The following SIAH2 variants were observed in gnomAD, a reference collection of about 807,000 sequenced individuals.
The protein encoded by SIAH2 is E3 ubiquitin-protein ligase SIAH2.
In SIAH2, 4 loss-of-function variants were observed where a neutral mutation model predicts 20.4. The observed-to-expected ratio is 0.20, with a 90% confidence interval of 0.10 to 0.45. The LOEUF is 0.45. Ranked by LOEUF, SIAH2 falls within the 20% of genes least tolerant of loss-of-function variation. The pLI, the probability that SIAH2 is intolerant of heterozygous loss-of-function variation, is 0.99. For missense variants in SIAH2, 259 were observed against 440.3 expected, an observed-to-expected ratio of 0.59 and a Z score of 3.69; for synonymous variants, 171 against 192.5, an observed-to-expected ratio of 0.89 and a Z score of 0.93.
chr3:150,748,687 T>C (rs150806689), intron 1 of SIAH2, among the ~76,000 whole-genome samples: 49 of 152,272 alleles, frequency 3.2e-4, no homozygotes, highest in African/African-American at 1.1e-3. Context: ...CAAACCACAA[T>C]CGATATTTTG....
At chr3:150,746,287 T>C (rs1175550560) in intron 1 of SIAH2, among the ~76,000 whole-genome samples, 1 of 152,006 alleles carries the variant, frequency 6.6e-6, no homozygotes, top group East Asian at 1.9e-4. Flanking sequence ...TCCCAGCTAC[T>C]AGGAAGGCTG....
chr3:150,744,627 C>A (rs1165454420), intron 1 of SIAH2, among the ~76,000 whole-genome samples: 4 of 152,070 alleles, frequency 2.6e-5, no homozygotes, highest in South Asian at 4.1e-4. Context: ...TTTAAAAAAA[C>A]ACACACACAC....
chr3:150,741,835 T>TAACA lies in SIAH2; in HGVS notation c.*302_*305dup. The TAACA allele has an allele frequency of 4.0e-6, 1 of 251,440 alleles. No homozygotes were observed. The highest frequency in any genetic ancestry group is 1.2e-3 in the Middle Eastern group (1 of 802). 15.6% of individuals were successfully genotyped at this position (251,440 alleles called of 1,614,324 possible). On this transcript the variant is annotated 3_prime_UTR_variant, in exon 2 of 2. Transcript: ENST00000312960. ...CAGGCAGGAAGGGGCCTCCCATTCC[T>TAACA]AACACACTGATCTATAGAAGCCCTG... is the stretch of plus-strand genomic sequence containing the variant.
At position 150,762,715 on chromosome 3, in the gene SIAH2, C is replaced by T; in HGVS notation, c.135G>A (p.Ser45=). 1 of 1,215,270 alleles carries T rather than the reference C, an allele frequency of 8.2e-7. No individual in the cohort carries two copies. The allele number at this position is 1,215,270 out of a possible 1,614,324, so 75.3% of individuals were successfully genotyped here. A position where few individuals can be genotyped will look rare whatever the true frequency, so the allele number is the denominator to read the frequency against. Residue 45 remains serine (S), a synonymous_variant, in exon 1 of 2, where the codon TCG becomes TCA. Transcript: ENST00000312960. This position sits in a 1 kb window ranked among gnomAD's most constrained non-coding sequence, Gnocchi z 6.6. ...CCGCCGCCGCGGCGGGCACCGCGGA[C>T]GAGCCGGGGCCCGCAGCCGAGATGG... ...AATISAAGPG[S]SAVPAAAAVI...
At chr3:150,754,602 C>T (rs1199061666) in intron 1 of SIAH2, among the ~76,000 whole-genome samples, 1 of 151,888 alleles carries the variant, frequency 6.6e-6, no homozygotes, top group Non-Finnish European at 1.5e-5. Flanking sequence ...AAAACTCCAC[C>T]GATGTAGAAA....
At chr3:150,745,145 A>T (rs937165776) in intron 1 of SIAH2, among the ~76,000 whole-genome samples, 8 of 151,892 alleles carry the variant, frequency 5.3e-5, no homozygotes, top group Admixed American at 2.6e-4. Context: ...CTTTCATGGC[A>T]ATCTATCCCT....
At chr3:150,756,635 CT>C (rs1367879005) in intron 1 of SIAH2, among the ~76,000 whole-genome samples, 1 of 152,202 alleles carries the variant, frequency 6.6e-6, no homozygotes, top group Non-Finnish European at 1.5e-5. Context: ...ACTATTTACT[CT>C]AGTTCCAGGT....
At chr3:150,754,239 T>A (rs761955208) in intron 1 of SIAH2, among the ~76,000 whole-genome samples, 8 of 152,222 alleles carry the variant, frequency 5.3e-5, no homozygotes, top group Non-Finnish European at 1.2e-4. Flanking sequence ...TTCTGCAAGC[T>A]GTACAGGAAG....
chr3:150,755,645 G>A (rs1490451216), intron 1 of SIAH2, among the ~76,000 whole-genome samples: 4 of 151,954 alleles, frequency 2.6e-5, no homozygotes, highest in Non-Finnish European at 4.4e-5. Context: ...AGCCTCCCAA[G>A]TAGCTGGGAT....
rs1284709379 is a variant in SIAH2, at chr3:150,742,767, G to T, written c.418-69C>A. 2 of 1,288,586 alleles carry T rather than the reference G, an allele frequency of 1.6e-6. No individual in the cohort carries two copies. The highest frequency in any genetic ancestry group is 2.1e-6 in the Non-Finnish European group (2 of 943,998). 79.8% of individuals were successfully genotyped at this position (1,288,586 alleles called of 1,614,324 possible). A position where few individuals can be genotyped will look rare whatever the true frequency, so the allele number is the denominator to read the frequency against. Reference sequence around the variant, plus strand: ...CTTCTATTGCTTCAACCCTCTATGAGTACTTAACTACTCCATTTTCCTGGG... The same window carrying T: ...CTTCTATTGCTTCAACCCTCTATGATTACTTAACTACTCCATTTTCCTGGG... On this transcript the variant is annotated intron_variant, in intron 1 of 1. Coordinates refer to ENST00000312960, the MANE Select transcript of SIAH2 (RefSeq NM_005067.7). The surrounding 1 kb of genome is among the most constrained non-coding windows in gnomAD (Gnocchi z 4.8).
At position 150,741,546 on chromosome 3, in the gene SIAH2, C is replaced by T. The variant is rs1390383194; in HGVS notation, c.*595G>A. On this transcript the variant is annotated 3_prime_UTR_variant, in exon 2 of 2. Transcript: ENST00000312960. ...TTAAAGCACCTTTAAAATCTGGACC[C>T]TTTCCCACAATTTAACCCAGTAATT... 1 of 152,372 alleles carries T rather than the reference C, an allele frequency of 6.6e-6. No homozygotes were observed. Among genetic ancestry groups the T allele is most frequent in the Non-Finnish European group, 1.5e-5 (1 of 68,106 alleles). The allele number at this position is 152,372 out of a possible 1,614,324, so 9.4% of individuals were successfully genotyped here. A position where few individuals can be genotyped will look rare whatever the true frequency, so the allele number is the denominator to read the frequency against.
rs1714080240 is a variant in SIAH2 at position 150,741,268 on chromosome 3, T to A, written c.*873A>T. On this transcript the variant is annotated 3_prime_UTR_variant, in exon 2 of 2. Transcript: ENST00000312960. ...TGATTTAGTCTTTCACACCAGCTACTGTTGAGGAGGGCTTCCGAGGGAAGC... is the reference window on the plus strand; with the variant it reads ...TGATTTAGTCTTTCACACCAGCTACAGTTGAGGAGGGCTTCCGAGGGAAGC... The A allele has an allele frequency of 6.6e-6, 1 of 152,628 alleles. No homozygotes were observed. The highest frequency in any genetic ancestry group is 2.4e-5 in the African/African-American group (1 of 41,452). 9.5% of individuals were successfully genotyped at this position (152,628 alleles called of 1,614,324 possible).
intron 1 of SIAH2, among the ~76,000 whole-genome samples, chr3:150,753,777 G>A (rs1423952932): frequency 6.6e-6 from 1 of 151,570 alleles, no homozygotes; most frequent in Non-Finnish European, 1.5e-5. Context: ...TTGGATGACA[G>A]AACTAGACCC....
In SIAH2 at chr3:150,759,404, T is replaced by C. The variant is rs545273823; in HGVS notation, c.417+3029A>G. Among the ~76,000 whole-genome samples the C allele has an allele frequency of 2.9e-4, 44 of 152,282 alleles. No individual in the cohort carries two copies. The South Asian group carries it at 8.3e-3, about 29-fold the overall frequency. Reference sequence around the variant, plus strand: ...TACCCTACATGCCCTACAAAATTCCTGCCAATGAATTTCATAGTGAGTATG... The same window carrying C: ...TACCCTACATGCCCTACAAAATTCCCGCCAATGAATTTCATAGTGAGTATG... On this transcript the variant is annotated intron_variant, in intron 1 of 1. Transcript: ENST00000312960.
chr3:150,745,689 G>T (rs892151630), intron 1 of SIAH2, among the ~76,000 whole-genome samples: 1 of 152,056 alleles, frequency 6.6e-6, no homozygotes, highest in Non-Finnish European at 1.5e-5. Context: ...TAGAGACGGG[G>T]TCTCACCGTG....
At chr3:150,759,748 T>C (rs1013225625) in intron 1 of SIAH2, among the ~76,000 whole-genome samples, 5 of 151,906 alleles carry the variant, frequency 3.3e-5, no homozygotes, top group African/African-American at 9.7e-5. Flanking sequence ...AACTGGCAGA[T>C]AGAGGGCATC....
chr3:150,751,429 A>G lies in SIAH2; in HGVS notation c.418-8731T>C, dbSNP rs559489616. Among the ~76,000 whole-genome samples the G allele has an allele frequency of 2.8e-5, 3 of 106,158 alleles. No individual in the cohort carries two copies. In the East Asian group the frequency reaches 1.5e-3, roughly 52 times the overall value. The allele number at this position is 106,158 out of a possible 152,430, so 69.6% of individuals were successfully genotyped here. A position where few individuals can be genotyped will look rare whatever the true frequency, so the allele number is the denominator to read the frequency against. On this transcript the variant is annotated intron_variant, in intron 1 of 1. Coordinates refer to ENST00000312960, the MANE Select transcript of SIAH2 (RefSeq NM_005067.7). ...ACAGAGAGAGACTCTGTCTCTTAAG[A>G]AAAAAAAAAGAGAGAGATATCATCA...
intron 1 of SIAH2, among the ~76,000 whole-genome samples, chr3:150,743,620 T>C (rs1194891133): frequency 1.3e-5 from 2 of 152,178 alleles, no homozygotes; most frequent in African/African-American, 2.4e-5. Context: ...ACTGCCTTAA[T>C]AGGGTAGGAG....
chr3:150,742,279 C>T lies in SIAH2; in HGVS notation c.837G>A (p.Thr279=), dbSNP rs750904218. 5.6e-6 allele frequency: 9 copies of T among 1,614,024 alleles called. No individual in the cohort carries two copies. Among genetic ancestry groups the T allele is most frequent in the Middle Eastern group, 1.6e-4 (1 of 6,084 alleles). Residue 279 remains threonine (T), a synonymous_variant, in exon 2 of 2, where the codon ACG becomes ACA. Transcript: ENST00000312960. The surrounding 1 kb of genome is among the most constrained non-coding windows in gnomAD (Gnocchi z 4.8). ...GNRRRLTWEA[T]PRSIHDGVAA... is the part of the protein sequence containing the mutation. ...CCACACCGTCATGAATCGAACGGGG[C>T]GTGGCCTCCCAGGTCAATCTCCGCC... is the stretch of plus-strand genomic sequence containing the variant.
Sources: allele counts gnomAD v4.1 joint callset (sites outside exome capture counted in the v4.1 genomes callset), GRCh38; gene constraint gnomAD v4.1.1; non-coding constraint Gnocchi (gnomAD v3.1); transcripts MANE v1.5; gene names NCBI Gene and HGNC (gene_info 2026-07-23, HGNC 2026-07-21).